TJP3: variants seen among roughly 807,000 people sequenced by gnomAD.
TJP3 encodes tight junction protein 3.
In TJP3, 85 loss-of-function variants were observed where a neutral mutation model predicts 104.2. The observed-to-expected ratio is 0.82, with a 90% CI of 0.68 to 0.98. The LOEUF is 0.98. Ranked by LOEUF, TJP3 falls within the 50% of genes least tolerant of loss-of-function variation. TJP3 has a pLI of 0.00. For synonymous variants in TJP3, 550 were observed against 550.6 expected (o/e 1.00, Z 0.02); for missense variants, 1,367 against 1,322.8 (o/e 1.03, Z -0.52).
intron 1 of TJP3, chr19:3,721,779 G>T (rs894380729): frequency 1.4e-5 from 7 of 497,462 alleles, no homozygotes; most frequent in Non-Finnish European, 2.2e-5. Flanking sequence ...CGAGAGCCCG[G>T]CCCTCAGCCC....
Position 3,732,029 on chromosome 19 carries a change from C to T in TJP3, c.708C>T (p.Leu236=). ...ACCGTGGGCTGCAGGAAGGAGATCT[C>T]ATTCTACAGGTGAGGCCGGGCTTCT... is the stretch of plus-strand genomic sequence containing the variant. The part of the protein sequence containing the change: ...ARHRGLQEGD[L]ILQINGVSSQ... Residue 236 remains leucine (L), a synonymous_variant, in exon 6 of 21, where the codon CTC becomes CTT. Coordinates refer to ENST00000541714, the MANE Select transcript of TJP3 (RefSeq NM_001267560.2). 6.2e-7 allele frequency: 1 copy of T among 1,612,514 alleles called. No homozygotes were observed. Among genetic ancestry groups the T allele is most frequent in the Non-Finnish European group, 8.5e-7 (1 of 1,179,654 alleles).
Position 3,734,349 on chromosome 19 carries a change from G to C in TJP3, c.900G>C (p.Glu300Asp). The C allele has an allele frequency of 6.2e-7, 1 of 1,613,768 alleles. No individual in the cohort carries two copies. Among genetic ancestry groups the C allele is most frequent in the Non-Finnish European group, 8.5e-7 (1 of 1,180,002 alleles). ...CAGACATCTCGGACCTCGCCTCGGA[G>C]CTATCGCAGGCACCACCATCCCACA... ...PLEDISDLAS[E>D]LSQAPPSHIP... Residue 300 changes from glutamate to aspartate, a missense_variant, in exon 8 of 21, where the codon GAG becomes GAC. By Grantham distance (45) the Glu-to-Asp change is conservative. Transcript: ENST00000541714.
chr19:3,748,347 C>T (rs1268940965), intron 19 of TJP3, among the ~76,000 whole-genome samples: 8 of 149,758 alleles, frequency 5.3e-5, no homozygotes, highest in Non-Finnish European at 1.2e-4. Flanking sequence ...TCTTGGCTCA[C>T]TGCAACCTCC....
rs769823147 is a variant in TJP3, at chr19:3,750,167, G to A, written c.2640G>A (p.Trp880Ter). The A allele has an allele frequency of 6.2e-7, 1 of 1,613,738 alleles. No homozygotes were observed. The highest frequency in any genetic ancestry group is 1.1e-5 in the South Asian group (1 of 91,048). The change falls in exon 20 of 21, where the codon TGG (tryptophan) becomes TGA (stop). Residue 880 changes from tryptophan to a stop codon, truncating the protein, a stop_gained. Transcript: ENST00000541714. LOFTEE classifies it high-confidence loss of function. ...ACAGCCGCCACCCCCAGGGACAGTGGCGACAGGACAGCATGCGGTAAGAAC... is the reference window on the plus strand; with the variant it reads ...ACAGCCGCCACCCCCAGGGACAGTGACGACAGGACAGCATGCGGTAAGAAC... ...QVDSRHPQGQWRQDSMRTYER... is the reference protein window; with the variant it reads ...QVDSRHPQGQ
chr19:3,711,485 C>T (rs2036433605), intron 1 of TJP3, among the ~76,000 whole-genome samples: 1 of 150,638 alleles, frequency 6.6e-6, no homozygotes, highest in African/African-American at 2.4e-5. Context: ...AGGCGTGAGC[C>T]ACCGCGTCCG....
intron 1 of TJP3, among the ~76,000 whole-genome samples, chr19:3,717,982 G>A (rs1167545225): frequency 1.3e-5 from 2 of 150,934 alleles, no homozygotes; most frequent in Non-Finnish European, 2.9e-5. Flanking sequence ...TAGGGAGGCC[G>A]AGGGGGGCGG....
At chr19:3,734,182 C>A in intron 7 of TJP3, 145 bp from the exon 8 acceptor site, 1 of 972,098 alleles carries the variant, frequency 1.0e-6, no homozygotes, top group East Asian at 2.4e-5. Context: ...CCACCGTGCC[C>A]AGCTCCAGAG....
At chr19:3,731,138 T>C (rs2036666029) in intron 5 of TJP3, among the ~76,000 whole-genome samples, 1 of 152,240 alleles carries the variant, frequency 6.6e-6, no homozygotes, top group South Asian at 2.1e-4. Flanking sequence ...AATTCTGGGC[T>C]AGGTTGAGCC....
intron 19 of TJP3, among the ~76,000 whole-genome samples, chr19:3,749,017 C>G (rs1391596390): frequency 1.3e-5 from 2 of 151,576 alleles, no homozygotes; most frequent in African/African-American, 4.8e-5. Context: ...CACCACCATG[C>G]CCAGCTAATT....
In TJP3 at chr19:3,730,186, C is replaced by T. The variant is rs922399281; in HGVS notation, c.261+56C>T. On this transcript the variant is annotated intron_variant, in intron 4 of 20. Transcript: ENST00000541714. This position sits in a 1 kb window ranked among gnomAD's most constrained non-coding sequence, Gnocchi z 7.3. ...TCTCTGACCCCAGCCTGGGTCGTGC[C>T]GCTGTGGGGGTTGTAAGCTTCTGAG... 49 of 1,575,214 alleles carry T rather than the reference C, an allele frequency of 3.1e-5. No homozygotes were observed. In the East Asian group the frequency reaches 4.7e-4, roughly 15 times the overall value.
rs1434763284 is a variant in TJP3, at chr19:3,717,294, A to G, written c.-10+8733A>G. 1.1e-4 allele frequency among the ~76,000 whole-genome samples: 15 copies of G among 137,988 alleles called. 3 individuals are homozygous for G. The highest frequency in any genetic ancestry group is 2.2e-4 in the African/African-American group (9 of 40,252). 90.5% of individuals were successfully genotyped at this position (137,988 alleles called of 152,430 possible). ...ACTGTTATATTTTTAGTACAGACAG[A>G]GTTTCACCATGTTGGCCAGGCTGGT... On this transcript the variant is annotated intron_variant, in intron 1 of 20. Transcript: ENST00000541714.
At chr19:3,718,894 G>A (rs554448513) in intron 1 of TJP3, among the ~76,000 whole-genome samples, 173 of 152,090 alleles carry the variant, frequency 1.1e-3, no homozygotes, top group Non-Finnish European at 2.2e-3. Flanking sequence ...TTTAAAGATC[G>A]CTGGACTGGC....
At chr19:3,723,264 G>A (rs2036562124) in intron 1 of TJP3, among the ~76,000 whole-genome samples, 1 of 152,150 alleles carries the variant, frequency 6.6e-6, no homozygotes, top group Non-Finnish European at 1.5e-5. Flanking sequence ...AGGGAAGGAT[G>A]TATGATATGC....
chr19:3,717,707 G>C (rs55723841), intron 1 of TJP3, among the ~76,000 whole-genome samples: 1 of 151,770 alleles, frequency 6.6e-6, no homozygotes, highest in Non-Finnish European at 1.5e-5. Context: ...GTGCTGGGAT[G>C]ACAGGCATGA....
intron 19 of TJP3, 79 bp downstream of exon 19, chr19:3,748,160 C>T: frequency 1.4e-6 from 2 of 1,440,512 alleles, no homozygotes; most frequent in Admixed American, 5.5e-5. Flanking sequence ...CACTGGGAGC[C>T]TGTTTTCTAC....
At chr19:3,717,322 C>G (rs1175026238) in intron 1 of TJP3, among the ~76,000 whole-genome samples, 1 of 131,650 alleles carries the variant, frequency 7.6e-6, no homozygotes, top group African/African-American at 2.5e-5. Flanking sequence ...AGGCTGGTCT[C>G]AAACTCCTGA....
At chr19:3,745,109 TA>T (rs944498229) in intron 15 of TJP3, among the ~76,000 whole-genome samples, 4 of 141,406 alleles carry the variant, frequency 2.8e-5, no homozygotes, top group Non-Finnish European at 6.1e-5. Context: ...TTTTTTTAAT[TA>T]AAAAAAGATG....
intron 14 of TJP3, among the ~76,000 whole-genome samples, chr19:3,742,585 C>T (rs534294324): frequency 6.9e-6 from 1 of 144,150 alleles, no homozygotes; most frequent in South Asian, 2.3e-4. Context: ...GTGGATGGAC[C>T]TTGAGAAAAG....
chr19:3,728,006 G>A lies in TJP3; in HGVS notation c.-9-418G>A, dbSNP rs185830866. Among the ~76,000 whole-genome samples the A allele has an allele frequency of 8.0e-4, 121 of 152,076 alleles. 1 individual carries two copies. The highest frequency in any genetic ancestry group is 2.4e-3 in the African/African-American group (99 of 41,492). ...TGTAATCCCAGCACTTTGGGAGGCC[G>A]AGGTGGGTGGATCACTTGAGGCCAG... On this transcript the variant is annotated intron_variant, in intron 1 of 20. Coordinates refer to ENST00000541714, the MANE Select transcript of TJP3 (RefSeq NM_001267560.2).
Sources: allele counts gnomAD v4.1 joint callset (sites outside exome capture counted in the v4.1 genomes callset), GRCh38; gene constraint gnomAD v4.1.1; non-coding constraint Gnocchi (gnomAD v3.1); transcripts MANE v1.5; gene names NCBI Gene and HGNC (gene_info 2026-07-23, HGNC 2026-07-21).